ZNF804B: variants seen among roughly 807,000 people sequenced by gnomAD.
ZNF804B encodes the protein zinc finger 804B.
Under a neutral mutation model 101.4 loss-of-function variants are expected in ZNF804B, and 80 were observed. The observed-to-expected ratio is 0.79, with a 90% CI of 0.66 to 0.95. ZNF804B has a LOEUF of 0.95. ZNF804B is among the 40% of genes least tolerant of loss of function. The pLI is 0.00. For missense variants in ZNF804B, 1,673 were observed against 1,561.9 expected, an observed-to-expected ratio of 1.07 and a Z score of -1.20; for synonymous variants, 622 against 558.8, an observed-to-expected ratio of 1.11 and a Z score of -1.59.
chr7:89,262,486 A>C (rs931829414), intron 2 of ZNF804B, among the ~76,000 whole-genome samples: 2 of 152,220 alleles, frequency 1.3e-5, no homozygotes, highest in Non-Finnish European at 2.9e-5. Flanking sequence ...TGAGTAAGTA[A>C]ATGAATATAT....
chr7:89,073,697 C>T (rs1317214724), intron 1 of ZNF804B, among the ~76,000 whole-genome samples: 1 of 152,042 alleles, frequency 6.6e-6, no homozygotes, highest in African/African-American at 2.4e-5. Context: ...TTTGTAGCAT[C>T]AGAATTATTT....
intron 1 of ZNF804B, among the ~76,000 whole-genome samples, chr7:88,853,834 T>C (rs1350043370): frequency 2.0e-5 from 3 of 152,046 alleles, no homozygotes; most frequent in Admixed American, 6.6e-5. Context: ...TTCTTGAAAA[T>C]AGATTATGCT....
At chr7:88,823,107 G>T (rs1271372502) in intron 1 of ZNF804B, among the ~76,000 whole-genome samples, 3 of 152,262 alleles carry the variant, frequency 2.0e-5, no homozygotes, top group East Asian at 3.9e-4. Context: ...CTACTTGAGA[G>T]GCTGAGGCAG....
intron 1 of ZNF804B, among the ~76,000 whole-genome samples, chr7:89,022,700 A>G (rs1470431388): frequency 6.6e-6 from 1 of 152,210 alleles, no homozygotes; most frequent in Middle Eastern, 3.2e-3. Context: ...TAAGAGCAAG[A>G]TATCACAGAA....
chr7:89,229,945 C>T (rs79469292), intron 2 of ZNF804B, among the ~76,000 whole-genome samples: 1,658 of 151,828 alleles, frequency 0.011, 43 homozygotes, highest in East Asian at 0.092. Context: ...TAAAAACACA[C>T]GAATTAAATA....
chr7:89,037,510 A>T (rs897419487), intron 1 of ZNF804B, among the ~76,000 whole-genome samples: 3 of 151,700 alleles, frequency 2.0e-5, no homozygotes, highest in Non-Finnish European at 4.4e-5. Context: ...AGCCTTATTG[A>T]CCTATAATTG....
At chr7:88,773,001 G>T (rs1790091555) in intron 1 of ZNF804B, among the ~76,000 whole-genome samples, 1 of 152,164 alleles carries the variant, frequency 6.6e-6, no homozygotes, top group South Asian at 2.1e-4. Context: ...ATAACACTTA[G>T]ATGGACCATG....
intron 1 of ZNF804B, among the ~76,000 whole-genome samples, chr7:89,164,990 T>C (rs1320707593): frequency 6.6e-6 from 1 of 152,078 alleles, no homozygotes; most frequent in African/African-American, 2.4e-5. Context: ...AGGTATACAT[T>C]TCTGTGTTAC....
intron 1 of ZNF804B, among the ~76,000 whole-genome samples, chr7:88,936,945 T>G (rs1273159695): frequency 1.3e-5 from 2 of 151,928 alleles, no homozygotes; most frequent in African/African-American, 4.8e-5. Flanking sequence ...CTGAAAAATA[T>G]AGCCACAAAG....
chr7:88,854,525 CCTTT>C lies in ZNF804B; in HGVS notation c.108+94443_108+94446del, dbSNP rs1175613301. Reference sequence around the variant, plus strand: ...TCCTTTCCTTTCCTTTCCTTTCCTTCCTTTCCTTCCTTCCTTCCTTCCTTCCTTC... The same window carrying C: ...TCCTTTCCTTTCCTTTCCTTTCCTTCCCTTCCTTCCTTCCTTCCTTCCTTC... On this transcript the variant is annotated intron_variant, in intron 1 of 3. Coordinates refer to ENST00000333190, the MANE Select transcript of ZNF804B (RefSeq NM_181646.5). 1.9e-3 allele frequency among the ~76,000 whole-genome samples: 96 copies of C among 50,568 alleles called. 6 individuals are homozygous for C. The highest frequency in any genetic ancestry group is 8.1e-3 in the African/African-American group (72 of 8,942). The allele number at this position is 50,568 out of a possible 152,430, so 33.2% of individuals were successfully genotyped here. A position where few individuals can be genotyped will look rare whatever the true frequency, so the allele number is the denominator to read the frequency against.
intron 1 of ZNF804B, among the ~76,000 whole-genome samples, chr7:89,167,598 CT>C (rs1351615767): frequency 6.6e-6 from 1 of 151,932 alleles, no homozygotes; most frequent in Non-Finnish European, 1.5e-5. Context: ...TTCTATAACG[CT>C]TTTAAAGGAT....
At chr7:88,764,941 C>CT (rs1789958111) in intron 1 of ZNF804B, among the ~76,000 whole-genome samples, 1 of 152,056 alleles carries the variant, frequency 6.6e-6, no homozygotes, top group African/African-American at 2.4e-5. Context: ...TACATGTTCT[C>CT]TTTTTTATGT....
At chr7:89,105,480 T>C (rs996185313) in intron 1 of ZNF804B, among the ~76,000 whole-genome samples, 8 of 152,024 alleles carry the variant, frequency 5.3e-5, no homozygotes, top group Non-Finnish European at 1.0e-4. Flanking sequence ...TTTTATTCCC[T>C]ACCCTTATAT....
rs183886405 is a variant in ZNF804B at position 89,026,500 on chromosome 7, C to T, written c.109-191655C>T. 1.2e-3 allele frequency among the ~76,000 whole-genome samples: 188 copies of T among 152,118 alleles called. 1 individual carries two copies. The highest frequency in any genetic ancestry group is 4.1e-3 in the Admixed American group (62 of 15,252). On this transcript the variant is annotated intron_variant, in intron 1 of 3. Transcript: ENST00000333190. ...TGTAGAGAATAAATTGAAGAAAGGC[C>T]ACATTAGATGCAGGAAGACAAACTG...
At chr7:89,327,278 C>G (rs921497359) in intron 2 of ZNF804B, 66 bp from the exon 3 acceptor site, 7 of 1,438,416 alleles carry the variant, frequency 4.9e-6, no homozygotes, top group East Asian at 2.5e-5. Context: ...TAATAAGGAG[C>G]CTTGTGGATG....
intron 1 of ZNF804B, among the ~76,000 whole-genome samples, chr7:88,765,709 A>C (rs902951227): frequency 2.6e-5 from 4 of 152,200 alleles, no homozygotes; most frequent in Non-Finnish European, 5.9e-5. Context: ...ATAAAAATTC[A>C]AGTAGCCCTT....
intron 1 of ZNF804B, among the ~76,000 whole-genome samples, chr7:89,132,063 C>G (rs1314721163): frequency 6.6e-6 from 1 of 151,728 alleles, no homozygotes; most frequent in Non-Finnish European, 1.5e-5. Flanking sequence ...TTGAAATAAA[C>G]TCAATACTGT....
intron 2 of ZNF804B, among the ~76,000 whole-genome samples, chr7:89,326,231 G>C (rs1274914509): frequency 6.6e-6 from 1 of 151,926 alleles, no homozygotes; most frequent in Non-Finnish European, 1.5e-5. Flanking sequence ...TGAGGTTCTT[G>C]TTCTTTGTGC....
chr7:88,962,602 G>A (rs550784908), intron 1 of ZNF804B, among the ~76,000 whole-genome samples: 5 of 150,030 alleles, frequency 3.3e-5, no homozygotes, highest in African/African-American at 1.2e-4. Flanking sequence ...TATAAACCAT[G>A]TTTTTGGAAA....
Sources: gnomAD v4.1 joint callset for allele counts (sites outside exome capture counted in the v4.1 genomes callset) on GRCh38, gnomAD v4.1.1 for gene constraint, MANE v1.5 for transcripts, NCBI Gene and HGNC (gene_info 2026-07-23, HGNC 2026-07-21) for gene names.